The following DDHD1 variants were observed in gnomAD, a reference collection of about 807,000 sequenced individuals.
DDHD1 encodes the protein DDHD domain containing 1, also known as phospholipase DDHD1.
DDHD1 carries 49 observed loss-of-function variants against 96.4 expected under a neutral mutation model. The ratio of observed to expected loss-of-function variants is 0.51; its 90% CI spans 0.40 to 0.64. DDHD1 has a LOEUF of 0.64. Among genes scored for constraint, DDHD1 ranks in the 30% least tolerant of loss-of-function variants. DDHD1 has a pLI of 0.00. For missense variants in DDHD1, 1,106 were observed against 1,161.2 expected (o/e 0.95, Z 0.69); for synonymous variants, 442 against 446.5 (o/e 0.99, Z 0.13).
chr14:53,068,571 AAT>A (rs1188067542), intron 6 of DDHD1, among the ~76,000 whole-genome samples: 1 of 152,214 alleles, frequency 6.6e-6, no homozygotes, highest in African/African-American at 2.4e-5. Context: ...ATTTTTACAG[AAT>A]ACAGTCTCAT....
Position 53,144,716 on chromosome 14 carries a change from G to T in DDHD1, c.838+7545C>A, listed in dbSNP as rs1168089627. On this transcript the variant is annotated intron_variant, in intron 1 of 12. Coordinates refer to ENST00000673822, the MANE Select transcript of DDHD1 (RefSeq NM_001160148.2). Reference sequence around the variant, plus strand: ...CTACAGAATGAGAATAACAGACTCAGCCAATAAAATATGAACTAAAAGTTG... The same window carrying T: ...CTACAGAATGAGAATAACAGACTCATCCAATAAAATATGAACTAAAAGTTG... Among the ~76,000 whole-genome samples the T allele has an allele frequency of 2.0e-5, 3 of 152,204 alleles. No homozygotes were observed. The East Asian group carries it at 5.8e-4, about 29-fold the overall frequency.
At chr14:53,083,691 G>T (rs1885688454) in intron 4 of DDHD1, among the ~76,000 whole-genome samples, 1 of 152,322 alleles carries the variant, frequency 6.6e-6, no homozygotes, top group East Asian at 1.9e-4. Flanking sequence ...CACTGATAAG[G>T]ATGAAGTTTT....
intron 4 of DDHD1, among the ~76,000 whole-genome samples, chr14:53,077,103 A>G (rs1885027700): frequency 6.6e-6 from 1 of 152,006 alleles, no homozygotes; most frequent in Admixed American, 6.6e-5. Context: ...CTGCATCCCT[A>G]TGGTGTTGTT....
chr14:53,106,402 T>A lies in DDHD1; in HGVS notation c.839-2546A>T, dbSNP rs549796922. Among the ~76,000 whole-genome samples, 48 of 152,318 alleles carry A rather than the reference T, an allele frequency of 3.2e-4. 1 individual carries two copies. Among genetic ancestry groups the A allele is most frequent in the Admixed American group, 1.8e-3 (28 of 15,306 alleles). Reference sequence around the variant, plus strand: ...GGCCAGGTGCAGTGACTCATGCCTGTAATCCCAGCATTCTGAGAGGCCGAG... The same window carrying A: ...GGCCAGGTGCAGTGACTCATGCCTGAAATCCCAGCATTCTGAGAGGCCGAG... On this transcript the variant is annotated intron_variant, in intron 1 of 12. Coordinates refer to ENST00000673822, the MANE Select transcript of DDHD1 (RefSeq NM_001160148.2).
Position 53,046,320 on chromosome 14 carries a change from A to ACC in DDHD1, c.*447_*448insGG, listed in dbSNP as rs1278428860. 1 of 152,290 alleles carries ACC rather than the reference A, an allele frequency of 6.6e-6. No homozygotes were observed. The highest frequency in any genetic ancestry group is 1.5e-5 in the Non-Finnish European group (1 of 68,120). 9.4% of individuals were successfully genotyped at this position (152,290 alleles called of 1,614,324 possible). ...AAATCTGTTATATTTTTTCAAAGGGATGTACAAATGAAAGCCTTCATAGAA... is the reference window on the plus strand; with the variant it reads ...AAATCTGTTATATTTTTTCAAAGGGACCTGTACAAATGAAAGCCTTCATAGAA... On this transcript the variant is annotated 3_prime_UTR_variant, in exon 13 of 13. Transcript: ENST00000673822.
chr14:53,105,119 G>A (rs1027901455), intron 1 of DDHD1, among the ~76,000 whole-genome samples: 4 of 151,932 alleles, frequency 2.6e-5, no homozygotes, highest in African/African-American at 9.7e-5. Context: ...AAAAAAGCTT[G>A]TAATCATAAA....
chr14:53,147,879 CT>C (rs1212273575), intron 1 of DDHD1, among the ~76,000 whole-genome samples: 2 of 152,166 alleles, frequency 1.3e-5, no homozygotes, highest in African/African-American at 4.8e-5. Context: ...CTTCTACCCC[CT>C]GGGACTCCAT....
At chr14:53,093,554 A>G (rs963761516) in intron 2 of DDHD1, 110 bp from the exon 3 acceptor site, 16 of 1,390,696 alleles carry the variant, frequency 1.2e-5, no homozygotes, top group East Asian at 2.4e-5. Flanking sequence ...AAAAACTCAG[A>G]TATGGAACTT....
Position 53,046,222 on chromosome 14 carries a change from A to C in DDHD1, c.*546T>G, listed in dbSNP as rs1259895341. Reference sequence around the variant, plus strand: ...TGAAATAAAGCAATTAGAGGTAATAAATTATAAATACAGTAGTTCAAATAT... The same window carrying C: ...TGAAATAAAGCAATTAGAGGTAATACATTATAAATACAGTAGTTCAAATAT... On this transcript the variant is annotated 3_prime_UTR_variant, in exon 13 of 13. Coordinates refer to ENST00000673822, the MANE Select transcript of DDHD1 (RefSeq NM_001160148.2). The C allele has an allele frequency of 2.0e-5, 3 of 152,236 alleles. No homozygotes were observed. The highest frequency in any genetic ancestry group is 6.5e-5 in the Admixed American group (1 of 15,282). 9.4% of individuals were successfully genotyped at this position (152,236 alleles called of 1,614,324 possible). A position where few individuals can be genotyped will look rare whatever the true frequency, so the allele number is the denominator to read the frequency against.
At chr14:53,078,321 T>C (rs1339669606) in intron 4 of DDHD1, among the ~76,000 whole-genome samples, 1 of 152,208 alleles carries the variant, frequency 6.6e-6, no homozygotes, top group African/African-American at 2.4e-5. Flanking sequence ...TCCTAGTGGG[T>C]ATAAAGTGGT....
At chr14:53,078,708 T>C (rs1203778223) in intron 4 of DDHD1, among the ~76,000 whole-genome samples, 1 of 152,226 alleles carries the variant, frequency 6.6e-6, no homozygotes, top group Non-Finnish European at 1.5e-5. Context: ...CTTTTCTTGC[T>C]TAATTGCTCT....
intron 12 of DDHD1, among the ~76,000 whole-genome samples, chr14:53,048,029 T>A (rs1317978793): frequency 6.6e-6 from 1 of 152,026 alleles, no homozygotes; most frequent in Non-Finnish European, 1.5e-5. Context: ...AAAAGTTGGG[T>A]TTTGCTTTAT....
chr14:53,049,278 T>C (rs752122223), intron 12 of DDHD1, among the ~76,000 whole-genome samples: 40 of 152,154 alleles, frequency 2.6e-4, no homozygotes, highest in Admixed American at 9.2e-4. Flanking sequence ...TCCATCAAAG[T>C]GGGTATTAGG....
In DDHD1 at chr14:53,153,256, G is replaced by T; in HGVS notation, c.-158C>A. On this transcript the variant is annotated 5_prime_UTR_variant, in exon 1 of 13. Coordinates refer to ENST00000673822, the MANE Select transcript of DDHD1 (RefSeq NM_001160148.2). ...GCAGCGGCGACCGCTCCGCCCCCAC[G>T]AGACCCGCAGCCGCCGCAGCTGCGT... The T allele has an allele frequency of 1.7e-6, 1 of 579,058 alleles. No individual in the cohort carries two copies. Among genetic ancestry groups the T allele is most frequent in the Non-Finnish European group, 2.7e-6 (1 of 375,948 alleles). 35.9% of individuals were successfully genotyped at this position (579,058 alleles called of 1,614,324 possible). A position where few individuals can be genotyped will look rare whatever the true frequency, so the allele number is the denominator to read the frequency against.
intron 6 of DDHD1, among the ~76,000 whole-genome samples, chr14:53,069,531 T>C (rs1475350639): frequency 6.6e-6 from 1 of 152,232 alleles, no homozygotes; most frequent in African/African-American, 2.4e-5. Flanking sequence ...GACTATAGTA[T>C]AGTGTAACCA....
chr14:53,137,939 A>G (rs1406356805), intron 1 of DDHD1, among the ~76,000 whole-genome samples: 2 of 152,228 alleles, frequency 1.3e-5, no homozygotes, highest in Admixed American at 6.5e-5. Context: ...TTAGAAGAAC[A>G]AAGATAAAAA....
Position 53,152,443 on chromosome 14 carries a change from G to A in DDHD1, c.656C>T (p.Thr219Met), listed in dbSNP as rs1891480520. 5 of 1,613,520 alleles carry A rather than the reference G, an allele frequency of 3.1e-6. No homozygotes were observed. The highest frequency in any genetic ancestry group is 4.2e-6 in the Non-Finnish European group (5 of 1,179,902). ...DRDGDHVCSP[T>M]GPASSSGEDD... The stretch of plus-strand genomic sequence containing the variant: ...TTCTCCGGAACTGGAGGCTGGGCCC[G>A]TGGGGGAGCACACATGGTCGCCGTC... The change falls in exon 1 of 13, where the codon ACG becomes ATG. Residue 219 changes from threonine to methionine, a missense_variant. By Grantham distance (81) the Thr-to-Met change is moderately conservative. This residue lies in a region of DDHD1 where 456 missense variants were observed against 402.4 expected (regional missense o/e 1.13). Coordinates refer to ENST00000673822, the MANE Select transcript of DDHD1 (RefSeq NM_001160148.2).
rs1417863233 is a variant in DDHD1 at position 53,054,449 on chromosome 14, A to T, written c.2426T>A (p.Leu809His). The T allele has an allele frequency of 1.9e-6, 3 of 1,613,704 alleles. No homozygotes were observed. The Admixed American group carries it at 5.0e-5, about 27-fold the overall frequency. Residue 809 changes from leucine to histidine, a missense_variant, in exon 11 of 13, where the codon CTC becomes CAC. Leu to His is a moderately conservative substitution (Grantham distance 99). Coordinates refer to ENST00000673822, the MANE Select transcript of DDHD1 (RefSeq NM_001160148.2). ...QTLPHSSSGF[L>H]DSAYFRLQES... ...ATGTATGAACTAACATGCAGAATCG[A>T]GGAAGCCAGAACTGCTATGTGGAAG...
At chr14:53,083,744 G>A (rs2139963565) in intron 4 of DDHD1, among the ~76,000 whole-genome samples, 1 of 152,270 alleles carries the variant, frequency 6.6e-6, no homozygotes, top group Middle Eastern at 3.4e-3. Context: ...AGCAAGCAGG[G>A]AAATGGTAAG....
Sources: allele counts gnomAD v4.1 joint callset (sites outside exome capture counted in the v4.1 genomes callset), GRCh38; gene constraint gnomAD v4.1.1; regional missense constraint gnomAD v4.1.1; transcripts MANE v1.5; gene names NCBI Gene and HGNC (gene_info 2026-07-23, HGNC 2026-07-21).